The following SNRPN variants were observed in gnomAD, a reference collection of about 807,000 sequenced individuals.
SNRPN encodes the protein small nuclear ribonucleoprotein-associated protein N.
Under a neutral mutation model 25.2 loss-of-function variants are expected in SNRPN, and 7 were observed. That is an observed-to-expected ratio of 0.28 (90% confidence interval 0.16 to 0.52). SNRPN has a LOEUF of 0.52. SNRPN is among the 20% of genes least tolerant of loss of function. The probability of loss-of-function intolerance (pLI) is 0.96; values close to 1 mark genes in which losing one functional copy is unlikely to be tolerated. For missense variants in SNRPN, 196 were observed against 322.5 expected, an observed-to-expected ratio of 0.61 and a Z score of 3.00; for synonymous variants, 124 against 110.6, an observed-to-expected ratio of 1.12 and a Z score of -0.76.
intron 2 of SNRPN, among the ~76,000 whole-genome samples, chr15:24,830,075 C>T (rs186532770): frequency 2.2e-4 from 34 of 152,152 alleles, no homozygotes; most frequent in Admixed American, 4.6e-4. Flanking sequence ...CGCATACAAA[C>T]CCCACAATTT....
At chr15:24,827,939 T>C (rs551187850) in intron 1 of SNRPN, among the ~76,000 whole-genome samples, 1 of 149,178 alleles carries the variant, frequency 6.7e-6, no homozygotes, top group South Asian at 2.3e-4. Context: ...AGATAAATTT[T>C]CAACTCCATT....
At chr15:24,957,202 CTT>C (rs1235121113) in intron 1 of SNRPN, among the ~76,000 whole-genome samples, 1 of 152,166 alleles carries the variant, frequency 6.6e-6, no homozygotes, top group African/African-American at 2.4e-5. Flanking sequence ...GCACTGCATA[CTT>C]TCCTTAAATG....
chr15:24,924,294 G>T (rs748964717), intron 3 of SNRPN, among the ~76,000 whole-genome samples: 4 of 151,816 alleles, frequency 2.6e-5, no homozygotes, highest in Non-Finnish European at 4.4e-5. Flanking sequence ...GGTAACTTAG[G>T]GGAGAGTAAA....
At chr15:24,938,375 A>G (rs1209398) in intron 3 of SNRPN, among the ~76,000 whole-genome samples, 1 of 151,888 alleles carries the variant, frequency 6.6e-6, no homozygotes, top group African/African-American at 2.4e-5. Context: ...TGATCCACCC[A>G]CCTTGGCCTC....
rs140138645 is a variant in SNRPN at position 24,955,047 on chromosome 15, C to T, written c.-406C>T. ...TCTGTCTGAGGAGCGGTCAGTGACG[C>T]GATGGAGCGGGCAAGGTCAGCTGTG... On this transcript the variant is annotated 5_prime_UTR_variant, in exon 1 of 10. Coordinates refer to ENST00000390687, the MANE Select transcript of SNRPN (RefSeq NM_003097.6). 2.2e-5 allele frequency: 35 copies of T among 1,613,188 alleles called. No homozygotes were observed. In the East Asian group the frequency reaches 4.9e-4, roughly 23 times the overall value.
rs28728207 is a variant in SNRPN at position 24,974,793 on chromosome 15, T to C, written c.3+337T>C. On this transcript the variant is annotated intron_variant, in intron 4 of 9. Transcript: ENST00000390687. ...AGGCTGGTCTCAGGCTCCTGACCTC[T>C]GGTGATCCACCCACCTCGGCCTCCC... 2.2e-3 allele frequency: 1,422 copies of C among 634,440 alleles called. 16 individuals are homozygous for C. The highest frequency in any genetic ancestry group is 0.022 in the African/African-American group (1,229 of 54,912). 39.3% of individuals were successfully genotyped at this position (634,440 alleles called of 1,614,324 possible). A position where few individuals can be genotyped will look rare whatever the true frequency, so the allele number is the denominator to read the frequency against.
At chr15:24,915,587 C>T (rs1003101900) in intron 2 of SNRPN, among the ~76,000 whole-genome samples, 2 of 152,150 alleles carry the variant, frequency 1.3e-5, no homozygotes, top group African/African-American at 4.8e-5. Flanking sequence ...GTGGAGCTCT[C>T]TTCAACCTTG....
At chr15:24,873,642 T>C (rs888323245) in intron 1 of SNRPN, among the ~76,000 whole-genome samples, 1 of 151,808 alleles carries the variant, frequency 6.6e-6, no homozygotes, top group Non-Finnish European at 1.5e-5. Flanking sequence ...AGAGACGGGG[T>C]TTCACCGTGT....
At chr15:24,854,119 G>A (rs1483397046), upstream of SNRPN, among the ~76,000 whole-genome samples, 6 of 151,974 alleles carry the variant, frequency 3.9e-5, no homozygotes, top group African/African-American at 1.5e-4. Flanking sequence ...CTATTGGAAG[G>A]TCTTTTAATT....
At chr15:24,880,252 TG>T (rs2056447928) in intron 1 of SNRPN, among the ~76,000 whole-genome samples, 1 of 152,004 alleles carries the variant, frequency 6.6e-6, no homozygotes, top group Non-Finnish European at 1.5e-5. Context: ...TAGAAGAGAT[TG>T]GAGAAAAGGG....
chr15:24,868,401 C>T (rs2054792565), intron 1 of SNRPN, among the ~76,000 whole-genome samples: 1 of 152,198 alleles, frequency 6.6e-6, no homozygotes, highest in South Asian at 2.1e-4. Flanking sequence ...GCTTCTCCCA[C>T]ATGGCAGAAT....
In SNRPN at chr15:24,918,748, T is replaced by A. The variant is rs1272661514; in HGVS notation, c.-504-1263T>A. On this transcript the variant is annotated intron_variant, in intron 2 of 11. Transcript: ENST00000400097. ...TATATATGTGTGCATATATATAACA[T>A]AATATATATGTGTGCATATATATAT... Among the ~76,000 whole-genome samples the A allele has an allele frequency of 2.1e-3, 148 of 69,926 alleles. 1 individual carries two copies. Among genetic ancestry groups the A allele is most frequent in the East Asian group, 3.2e-3 (8 of 2,520 alleles). The allele number at this position is 69,926 out of a possible 152,430, so 45.9% of individuals were successfully genotyped here. A position where few individuals can be genotyped will look rare whatever the true frequency, so the allele number is the denominator to read the frequency against.
At chr15:24,908,965 G>A in intron 2 of SNRPN, 1 of 1,368,122 alleles carries the variant, frequency 7.3e-7, no homozygotes, top group East Asian at 2.3e-5. Context: ...CTCTGAGGAA[G>A]CTTGCATTCT....
intron 1 of SNRPN, among the ~76,000 whole-genome samples, chr15:24,828,048 T>A (rs2050228134): frequency 6.6e-6 from 1 of 152,018 alleles, no homozygotes; most frequent in African/African-American, 2.4e-5. Flanking sequence ...ATATTTTATA[T>A]TTATGGAAAA....
At chr15:24,972,995 C>T (rs957547826) in intron 3 of SNRPN, among the ~76,000 whole-genome samples, 19 of 152,266 alleles carry the variant, frequency 1.2e-4, no homozygotes, top group Admixed American at 5.9e-4. Context: ...TCAAGCGATT[C>T]TCCTGCCTCA....
At chr15:24,933,576 G>A (rs955081163) in intron 3 of SNRPN, among the ~76,000 whole-genome samples, 1 of 152,112 alleles carries the variant, frequency 6.6e-6, no homozygotes, top group East Asian at 1.9e-4. Flanking sequence ...TCAGGAGTTC[G>A]AGACCAGGCT....
intron 2 of SNRPN, 53 bp downstream of exon 2, chr15:24,962,262 T>G: frequency 7.1e-7 from 1 of 1,404,942 alleles, no homozygotes; most frequent in Non-Finnish European, 1.0e-6. Flanking sequence ...CCTTTCAGAT[T>G]AGAACAAAAT....
At chr15:24,848,246 C>CGGGGGCGGCGGCGGGGGCGGGGGCGGG (rs1555379843) in intron 2 of SNRPN, 1 of 37,140 alleles carries the variant, frequency 2.7e-5, no homozygotes, top group African/African-American at 1.0e-4. Context: ...GCGGGGGCGG[C>CGGGGGCGGCGGCGGGGGCGGGGGCGGG]GGCGGGGGCG....
upstream of SNRPN, among the ~76,000 whole-genome samples, chr15:24,854,485 G>T (rs1427620391): frequency 6.6e-6 from 1 of 152,148 alleles, no homozygotes; most frequent in South Asian, 2.1e-4. Flanking sequence ...AACTTTTTGG[G>T]TTGATTGCTC....
Sources: allele counts gnomAD v4.1 joint callset (sites outside exome capture counted in the v4.1 genomes callset), GRCh38; gene constraint gnomAD v4.1.1; transcripts MANE v1.5; gene names NCBI Gene and HGNC (gene_info 2026-07-23, HGNC 2026-07-21).